The following ARFGEF1 variants were observed in gnomAD, a reference collection of about 807,000 sequenced individuals.
The protein encoded by ARFGEF1 is brefeldin A-inhibited guanine nucleotide-exchange protein 1.
A neutral mutation model predicts 231.0 loss-of-function variants in ARFGEF1; 42 were observed. The ratio of observed to expected loss-of-function variants is 0.18; its 90% CI spans 0.14 to 0.24. The LOEUF (loss-of-function observed/expected upper bound fraction) is 0.24. Among genes scored for constraint, ARFGEF1 ranks in the 10% least tolerant of loss-of-function variants. The pLI, the probability that ARFGEF1 is intolerant of heterozygous loss-of-function variation, is 1.00. For missense variants in ARFGEF1, 1,345 were observed against 2,192.0 expected (o/e 0.61, Z 7.72); for synonymous variants, 710 against 732.3 (o/e 0.97, Z 0.49).
chr8:67,296,946 C>T (rs888939895), intron 4 of ARFGEF1, among the ~76,000 whole-genome samples: 1 of 152,128 alleles, frequency 6.6e-6, no homozygotes, highest in Non-Finnish European at 1.5e-5. Flanking sequence ...GCCACCACAC[C>T]CAGCCTTAAA....
intron 1 of ARFGEF1, among the ~76,000 whole-genome samples, chr8:67,311,938 C>A (rs1267365410): frequency 6.6e-6 from 1 of 151,984 alleles, no homozygotes; most frequent in Non-Finnish European, 1.5e-5. Flanking sequence ...GTGACCTTAC[C>A]CCCAACCCTG....
chr8:67,311,371 G>A (rs1807040799), intron 1 of ARFGEF1, among the ~76,000 whole-genome samples: 3 of 133,660 alleles, frequency 2.2e-5, no homozygotes, highest in Non-Finnish European at 4.9e-5. Flanking sequence ...ACTGGGAAGT[G>A]AGGAGCCCCT....
chr8:67,286,435 T>C (rs1805761522), intron 7 of ARFGEF1, among the ~76,000 whole-genome samples: 1 of 152,200 alleles, frequency 6.6e-6, no homozygotes, highest in African/African-American at 2.4e-5. Flanking sequence ...AAGGGTCAGA[T>C]GATAAACATT....
At chr8:67,178,449 G>C (rs1832207095) in intron 5 of ARFGEF1, among the ~76,000 whole-genome samples, 1 of 152,140 alleles carries the variant, frequency 6.6e-6, no homozygotes, top group African/African-American at 2.4e-5. Context: ...TAAACAAAAG[G>C]GACAAAAATC....
At chr8:67,217,975 T>C (rs748483260) in intron 31 of ARFGEF1, 28 bp downstream of exon 31, 1 of 1,612,040 alleles carries the variant, frequency 6.2e-7, no homozygotes, top group Admixed American at 1.7e-5. Context: ...ATTTAACACT[T>C]TGTGTCACAT....
chr8:67,213,739 C>T (rs1314183368), intron 33 of ARFGEF1, among the ~76,000 whole-genome samples: 2 of 152,150 alleles, frequency 1.3e-5, no homozygotes, highest in South Asian at 4.1e-4. Flanking sequence ...AGTTGAAAGC[C>T]TTCAAAACTG....
intron 5 of ARFGEF1, among the ~76,000 whole-genome samples, chr8:67,187,306 T>TC (rs1308041424): frequency 1.3e-5 from 2 of 152,162 alleles, no homozygotes; most frequent in South Asian, 2.1e-4. Context: ...ACAGCTGACT[T>TC]CAAGAGTTAT....
chr8:67,311,685 T>C (rs1214381041), intron 1 of ARFGEF1, among the ~76,000 whole-genome samples: 6 of 151,860 alleles, frequency 4.0e-5, no homozygotes, highest in African/African-American at 9.7e-5. Flanking sequence ...CGGCCGCCCC[T>C]ACTGGGAAGT....
At chr8:67,269,567 T>C (rs1340588091) in intron 10 of ARFGEF1, among the ~76,000 whole-genome samples, 1 of 151,952 alleles carries the variant, frequency 6.6e-6, no homozygotes, top group African/African-American at 2.4e-5. Context: ...GTCAGGCTAG[T>C]CTCGAACTCC....
chr8:67,279,789 T>C (rs577289109), intron 7 of ARFGEF1, among the ~76,000 whole-genome samples: 2 of 152,332 alleles, frequency 1.3e-5, no homozygotes, highest in South Asian at 2.1e-4. Flanking sequence ...ATCCCAGTGT[T>C]TGAGGGAAGA....
At chr8:67,265,870 T>C (rs1286319860) in intron 14 of ARFGEF1, 136 bp downstream of exon 14, 11 of 768,006 alleles carry the variant, frequency 1.4e-5, no homozygotes, top group Admixed American at 2.6e-5. Flanking sequence ...GGGGGCTGAA[T>C]AGGAGCCTCG....
chr8:67,188,289 C>T (rs1257868879), intron 5 of ARFGEF1, among the ~76,000 whole-genome samples: 1 of 152,188 alleles, frequency 6.6e-6, no homozygotes, highest in Admixed American at 6.5e-5. Flanking sequence ...ACAGGACTAG[C>T]TGGATTTCAA....
At chr8:67,294,244 C>T (rs952944157) in intron 5 of ARFGEF1, among the ~76,000 whole-genome samples, 1 of 152,064 alleles carries the variant, frequency 6.6e-6, no homozygotes, top group African/African-American at 2.4e-5. Flanking sequence ...ATTTTGGTAT[C>T]CATGGGAGGG....
At chr8:67,197,346 G>GT (rs1348354152), downstream of ARFGEF1, among the ~76,000 whole-genome samples, 1 of 152,096 alleles carries the variant, frequency 6.6e-6, no homozygotes, top group African/African-American at 2.4e-5. Flanking sequence ...CCTCACTACT[G>GT]GGGAGGGTGG....
chr8:67,228,367 G>A, intron 23 of ARFGEF1, 103 bp from the exon 24 acceptor site: 1 of 1,130,886 alleles, frequency 8.8e-7, no homozygotes, highest in Non-Finnish European at 1.3e-6. Flanking sequence ...TGTTTTAAGG[G>A]AACAAAAAAT....
intron 1 of ARFGEF1, among the ~76,000 whole-genome samples, chr8:67,324,504 A>G (rs1424049992): frequency 6.6e-6 from 1 of 152,200 alleles, no homozygotes; most frequent in Non-Finnish European, 1.5e-5. Context: ...CCAAGCCTGA[A>G]GTCCAGAGTG....
intron 19 of ARFGEF1, 44 bp downstream of exon 19, chr8:67,251,255 A>G: frequency 6.6e-7 from 1 of 1,507,294 alleles, no homozygotes; most frequent in Non-Finnish European, 8.9e-7. Flanking sequence ...ATGTAGTTAT[A>G]TATAAATGTA....
intron 1 of ARFGEF1, among the ~76,000 whole-genome samples, chr8:67,327,376 G>C (rs1228324669): frequency 2.0e-5 from 3 of 148,552 alleles, no homozygotes. Flanking sequence ...GGAGTGCAAT[G>C]GTGCGATCTC....
chr8:67,231,523 G>T (rs577857658), intron 23 of ARFGEF1, among the ~76,000 whole-genome samples: 1 of 152,096 alleles, frequency 6.6e-6, no homozygotes, highest in Non-Finnish European at 1.5e-5. Context: ...ACTGGATGTG[G>T]TCATATAAAG....
Sources: allele counts gnomAD v4.1 joint callset (sites outside exome capture counted in the v4.1 genomes callset), GRCh38; gene constraint gnomAD v4.1.1; transcripts MANE v1.5; gene names NCBI Gene and HGNC (gene_info 2026-07-23, HGNC 2026-07-21).